The following CNTN5 variants were observed in gnomAD, a reference collection of about 807,000 sequenced individuals.
The protein encoded by CNTN5 is contactin-5.
CNTN5 carries 77 observed loss-of-function variants against 129.1 expected under a neutral mutation model. The ratio of observed to expected loss-of-function variants is 0.60; its 90% confidence interval spans 0.50 to 0.72. The LOEUF is 0.72. Among genes scored for constraint, CNTN5 ranks in the 30% least tolerant of loss-of-function variants. The pLI, the probability that CNTN5 is intolerant of heterozygous loss-of-function variation, is 0.00. For synonymous variants in CNTN5, 509 were observed against 465.6 expected (o/e 1.09, Z -1.20); for missense variants, 1,478 against 1,328.8 (o/e 1.11, Z -1.75).
At chr11:99,092,001 A>G (rs751598422) in intron 1 of CNTN5, among the ~76,000 whole-genome samples, 2 of 152,172 alleles carry the variant, frequency 1.3e-5, no homozygotes, top group Non-Finnish European at 2.9e-5. Context: ...TTAATAAAGT[A>G]TGATATCCCT....
intron 8 of CNTN5, among the ~76,000 whole-genome samples, chr11:99,996,690 A>G (rs561496717): frequency 6.6e-6 from 1 of 152,330 alleles, no homozygotes; most frequent in East Asian, 1.9e-4. Flanking sequence ...TATAAAGAAA[A>G]CAGACTTAAT....
At chr11:100,178,373 C>T (rs1342920763) in intron 13 of CNTN5, among the ~76,000 whole-genome samples, 1 of 152,098 alleles carries the variant, frequency 6.6e-6, no homozygotes, top group Non-Finnish European at 1.5e-5. Context: ...CCTCCCTGTT[C>T]ATTCTTTCAA....
intron 3 of CNTN5, among the ~76,000 whole-genome samples, chr11:99,701,974 G>C (rs1440929136): frequency 2.7e-5 from 4 of 150,916 alleles, no homozygotes; most frequent in African/African-American, 4.8e-5. Context: ...ATTAATTTGT[G>C]ACATTAACAA....
At chr11:99,024,583 T>C (rs1863027479) in intron 1 of CNTN5, among the ~76,000 whole-genome samples, 1 of 152,070 alleles carries the variant, frequency 6.6e-6, no homozygotes, top group Non-Finnish European at 1.5e-5. Context: ...TTAATCCCCA[T>C]AAATTAAAAC....
intron 3 of CNTN5, among the ~76,000 whole-genome samples, chr11:99,792,573 G>GTGTGTCTGTCTGTCTGTC (rs34622017): frequency 3.1e-4 from 36 of 116,688 alleles, no homozygotes; most frequent in African/African-American, 1.0e-3. Context: ...GTGTGTGTGT[G>GTGTGTCTGTCTGTCTGTC]TGTCTGTCTG....
At position 100,062,340 on chromosome 11, in the gene CNTN5, A is replaced by T. The variant is rs138688523; in HGVS notation, c.1162+947A>T. 8.1e-3 allele frequency among the ~76,000 whole-genome samples: 1,237 copies of T among 152,288 alleles called. 13 individuals carry two copies. Among genetic ancestry groups the T allele is most frequent in the African/African-American group, 0.025 (1,048 of 41,564 alleles). On this transcript the variant is annotated intron_variant, in intron 10 of 24. Transcript: ENST00000524871. ...ATGCCCTTTACAGGAACTCCTAAAG[A>T]GTATTTTGAAATATTAATAACTGAA...
At chr11:99,538,557 C>G (rs1947984873) in intron 2 of CNTN5, among the ~76,000 whole-genome samples, 1 of 152,114 alleles carries the variant, frequency 6.6e-6, no homozygotes. Flanking sequence ...ATAATAGATA[C>G]ATTCCTATAA....
At chr11:99,951,079 G>A (rs1950662618) in intron 7 of CNTN5, among the ~76,000 whole-genome samples, 1 of 152,012 alleles carries the variant, frequency 6.6e-6, no homozygotes, top group South Asian at 2.1e-4. Context: ...GTTTACAGAT[G>A]AGAAGATTAA....
intron 1 of CNTN5, among the ~76,000 whole-genome samples, chr11:99,113,424 G>A (rs1373579585): frequency 4.6e-5 from 7 of 151,992 alleles, no homozygotes; most frequent in South Asian, 2.1e-4. Flanking sequence ...GTGAGGAAAG[G>A]GGGAGAATAA....
At chr11:100,084,947 A>G (rs888651794) in intron 13 of CNTN5, among the ~76,000 whole-genome samples, 8 of 152,114 alleles carry the variant, frequency 5.3e-5, no homozygotes, top group Non-Finnish European at 1.0e-4. Context: ...ATAAGACAAA[A>G]TGCATACAAA....
chr11:99,105,112 G>C (rs778960505), intron 1 of CNTN5, among the ~76,000 whole-genome samples: 18 of 152,244 alleles, frequency 1.2e-4, no homozygotes, highest in Middle Eastern at 3.4e-3. Context: ...ATCTCAGTTT[G>C]AATTGTGACT....
At chr11:99,653,597 A>G (rs549837276) in intron 3 of CNTN5, among the ~76,000 whole-genome samples, 1 of 152,052 alleles carries the variant, frequency 6.6e-6, no homozygotes, top group Non-Finnish European at 1.5e-5. Flanking sequence ...AGGGGGGAAA[A>G]TGCTTATAGG....
chr11:99,672,224 CT>C (rs974613964), intron 3 of CNTN5, among the ~76,000 whole-genome samples: 1 of 152,190 alleles, frequency 6.6e-6, no homozygotes, highest in Non-Finnish European at 1.5e-5. Flanking sequence ...TTCACTCAAA[CT>C]TTTTTCCTTT....
chr11:100,327,884 A>G (rs746684641), intron 21 of CNTN5, among the ~76,000 whole-genome samples: 1 of 152,190 alleles, frequency 6.6e-6, no homozygotes, highest in Non-Finnish European at 1.5e-5. Flanking sequence ...AGACAAAATT[A>G]CTCTCAAAGA....
intron 1 of CNTN5, among the ~76,000 whole-genome samples, chr11:99,155,500 A>T (rs1395631383): frequency 6.6e-6 from 1 of 152,194 alleles, no homozygotes. Context: ...AAGTGATGCG[A>T]TTGGTCATTG....
intron 3 of CNTN5, among the ~76,000 whole-genome samples, chr11:99,765,852 G>C (rs1251298346): frequency 6.6e-6 from 1 of 151,648 alleles, no homozygotes; most frequent in East Asian, 1.9e-4. Flanking sequence ...GAAGAACATG[G>C]ATCTGTATTC....
chr11:99,630,909 G>A (rs1325797116), intron 3 of CNTN5, among the ~76,000 whole-genome samples: 4 of 152,132 alleles, frequency 2.6e-5, no homozygotes, highest in Admixed American at 6.5e-5. Flanking sequence ...GAAAAGCACC[G>A]TGGACTGTTA....
At chr11:99,412,447 A>G (rs1189536634) in intron 2 of CNTN5, among the ~76,000 whole-genome samples, 1 of 152,216 alleles carries the variant, frequency 6.6e-6, no homozygotes, top group Non-Finnish European at 1.5e-5. Context: ...GGCTGTTCAA[A>G]CAATGAATAC....
intron 9 of CNTN5, among the ~76,000 whole-genome samples, chr11:100,038,946 T>C (rs1455577258): frequency 1.3e-5 from 2 of 152,214 alleles, no homozygotes; most frequent in Non-Finnish European, 2.9e-5. Context: ...TGTCTTTTAA[T>C]TGGAGCATTT....
Sources: allele counts gnomAD v4.1 joint callset (sites outside exome capture counted in the v4.1 genomes callset), GRCh38; gene constraint gnomAD v4.1.1; transcripts MANE v1.5; gene names NCBI Gene and HGNC (gene_info 2026-07-23, HGNC 2026-07-21).